The following POTEC variants were observed in gnomAD, a reference collection of about 807,000 sequenced individuals.
POTEC encodes ANKRD26-like family B member 2.
POTEC carries 35 observed loss-of-function variants against 62.0 expected under a neutral mutation model. The observed-to-expected ratio is 0.56, with a 90% CI of 0.43 to 0.75. The LOEUF (loss-of-function observed/expected upper bound fraction) is 0.75, where lower values mean the gene tolerates loss of function less well. Ranked by LOEUF, POTEC falls within the 30% of genes least tolerant of loss-of-function variation. POTEC has a pLI of 0.00. For synonymous variants in POTEC, 156 were observed against 221.5 expected (o/e 0.70, Z 2.62); for missense variants, 472 against 655.9 (o/e 0.72, Z 3.06).
At position 14,529,238 on chromosome 18, in the gene POTEC, T is replaced by C. The variant is rs1203646297; in HGVS notation, c.1126+1245A>G. On this transcript the variant is annotated intron_variant, in intron 6 of 10. Transcript: ENST00000358970. ...AAAATAATAAAAATGACAATGATAA[T>C]AACAAGCTCCTGTCTGTATTTTTAA... Among the ~76,000 whole-genome samples the C allele has an allele frequency of 2.6e-5, 4 of 152,064 alleles. No individual in the cohort carries two copies. The East Asian group carries it at 5.8e-4, about 22-fold the overall frequency.
rs145930826 is a variant in POTEC, at chr18:14,542,759, C to T, written c.388G>A (p.Glu130Lys). The T allele has an allele frequency of 2.5e-6, 4 of 1,613,500 alleles. No individual in the cohort carries two copies. The highest frequency in any genetic ancestry group is 1.7e-5 in the Admixed American group (1 of 59,996). ...TCTCGACGGACGTGGTACCTCGGCT[C>T]CATGAAGGCGCTGTCGTCGTAGTCT... ...WGDYDDSAFM[E>K]PRYHVRREDL... The change falls in exon 1 of 11, where the codon GAG becomes AAG. Residue 130 changes from glutamate to lysine, a missense_variant. Around this residue, in one of 5 missense-constraint regions of POTEC, gnomAD observed 257 missense variants for 250.7 expected, o/e 1.03. Transcript: ENST00000358970.
rs368940627 is a variant in POTEC, at chr18:14,542,677, A to C, written c.470T>G (p.Leu157Arg). 5 of 1,612,832 alleles carry C rather than the reference A, an allele frequency of 3.1e-6. No homozygotes were observed. In the African/African-American group the frequency reaches 6.7e-5, roughly 22 times the overall value. Residue 157 changes from leucine (L) to arginine (R), a missense_variant, in exon 1 of 11, where the codon CTC (leucine) becomes CGC (arginine). Leu to Arg is a moderately radical substitution (Grantham distance 102, BLOSUM62 -2). This residue lies in a region of POTEC where 257 missense variants were observed against 250.7 expected (regional missense o/e 1.03). Transcript: ENST00000358970. ...AWWGKVPRKD[L>R]IVMLRDTDMN... The stretch of plus-strand genomic sequence containing the variant: ...GTCCGTGTCCCTGAGCATGACGATG[A>C]GATCCTTTCTGGGGACCTTACCCCA...
chr18:14,528,852 A>T, intron 6 of POTEC: 1 of 432,270 alleles, frequency 2.3e-6, no homozygotes, highest in Non-Finnish European at 4.6e-6. Flanking sequence ...CTTATTCCCA[A>T]CCTCTGGTGT....
intron 1 of POTEC, among the ~76,000 whole-genome samples, chr18:14,540,252 A>T (rs1905887021): frequency 6.6e-6 from 1 of 152,190 alleles, no homozygotes; most frequent in South Asian, 2.1e-4. Context: ...AGGTATAAAA[A>T]TAAATAATAG....
rs1909885449 is a variant in POTEC, at chr18:14,507,791, A to G, written c.*4107T>C. 1.3e-5 allele frequency: 2 copies of G among 152,190 alleles called. No homozygotes were observed. The allele number at this position is 152,190 out of a possible 1,614,324, so 9.4% of individuals were successfully genotyped here. A position where few individuals can be genotyped will look rare whatever the true frequency, so the allele number is the denominator to read the frequency against. On this transcript the variant is annotated 3_prime_UTR_variant, in exon 11 of 11. Coordinates refer to ENST00000358970, the MANE Select transcript of POTEC (RefSeq NM_001137671.2). ...AGGTCTGGTGATAACGAATTCCCTC[A>G]GCATTTGCTTGTCTGAAAACGATCT... is the stretch of plus-strand genomic sequence containing the variant.
intron 6 of POTEC, among the ~76,000 whole-genome samples, chr18:14,529,287 A>C (rs1437831185): frequency 6.6e-6 from 1 of 152,140 alleles, no homozygotes; most frequent in East Asian, 1.9e-4. Context: ...GTAACATTAG[A>C]AAAATGATTA....
In POTEC at chr18:14,543,118, G is replaced by T; in HGVS notation, c.29C>A (p.Ala10Asp). Residue 10 changes from alanine (A) to aspartate (D), a missense_variant, in exon 1 of 11, where the codon GCT becomes GAT. Around this residue, in one of 5 missense-constraint regions of POTEC, gnomAD observed 257 missense variants for 250.7 expected, o/e 1.03. Coordinates refer to ENST00000358970, the MANE Select transcript of POTEC (RefSeq NM_001137671.2). MVTEVCSMP[A>D]ASAVKKPFDL... ...GAATGGCTTCTTCACAGCAGAGGCA[G>T]CGGGCATTGAACAAACCTCAGTCAC... 6.2e-7 allele frequency: 1 copy of T among 1,613,962 alleles called. No individual in the cohort carries two copies. Among genetic ancestry groups the T allele is most frequent in the Non-Finnish European group, 8.5e-7 (1 of 1,179,868 alleles).
Position 14,537,973 on chromosome 18 carries a change from G to T in POTEC, c.638C>A (p.Ala213Asp). The T allele has an allele frequency of 6.2e-7, 1 of 1,610,756 alleles. No homozygotes were observed. The highest frequency in any genetic ancestry group is 8.5e-7 in the Non-Finnish European group (1 of 1,179,518). ...ACATTCATCTTCCTGGCATTGTACG[G>T]CCTGTCAGTATTAGACCAAAAACAA... The part of the protein sequence containing the change: ...DNKKRTALIK[A>D]VQCQEDECVL... Residue 213 changes from alanine (A) to aspartate (D), a missense_variant and splice_region_variant, in exon 3 of 11, where the codon GCC (alanine) becomes GAC (aspartate). Physicochemically the swap from Ala to Asp is moderately radical, Grantham distance 126. This residue lies in a region of POTEC where 13 missense variants were observed against 38.4 expected (regional missense o/e 0.34). Transcript: ENST00000358970.
In POTEC at chr18:14,543,274, T is replaced by C. The variant is rs754440954; in HGVS notation, c.-128A>G. ...GAGAAAGGTCAATCCCAGCCAAAAC[T>C]TGCCAACCCCAGCAAGGGAGCCCAG... On this transcript the variant is annotated 5_prime_UTR_variant, in exon 1 of 11. Transcript: ENST00000358970. The C allele has an allele frequency of 8.3e-5, 119 of 1,429,960 alleles. No homozygotes were observed. The highest frequency in any genetic ancestry group is 1.1e-4 in the Non-Finnish European group (114 of 1,058,466). The allele number at this position is 1,429,960 out of a possible 1,614,324, so 88.6% of individuals were successfully genotyped here. A position where few individuals can be genotyped will look rare whatever the true frequency, so the allele number is the denominator to read the frequency against.
At chr18:14,524,797 G>C in intron 7 of POTEC, 116 bp downstream of exon 7, 1 of 1,080,986 alleles carries the variant, frequency 9.3e-7, no homozygotes, top group Non-Finnish European at 1.2e-6. Flanking sequence ...CTTAAAAAAA[G>C]AATCTATTGA....
intron 9 of POTEC, among the ~76,000 whole-genome samples, chr18:14,521,540 A>G (rs1452875559): frequency 6.6e-6 from 1 of 152,176 alleles, no homozygotes; most frequent in African/African-American, 2.4e-5. Flanking sequence ...GTCCTTACAC[A>G]TAAGTATATA....
chr18:14,536,807 G>A (rs1261284295), intron 3 of POTEC, among the ~76,000 whole-genome samples: 3 of 152,082 alleles, frequency 2.0e-5, no homozygotes, highest in East Asian at 3.9e-4. Context: ...ATTTTCCCCA[G>A]TAAGAGTAGA....
In POTEC at chr18:14,510,802, C is replaced by T. The variant is rs1909985467; in HGVS notation, c.*1096G>A. On this transcript the variant is annotated 3_prime_UTR_variant, in exon 11 of 11. Transcript: ENST00000358970. ...GTGGCTATGCTGTGTGGGGGGTTCA[C>T]TTCAGCCCCTGGTCTCCTCAGACAC... 6.6e-6 allele frequency: 1 copy of T among 152,210 alleles called. No individual in the cohort carries two copies. The highest frequency in any genetic ancestry group is 1.5e-5 in the Non-Finnish European group (1 of 68,070). The allele number at this position is 152,210 out of a possible 1,614,324, so 9.4% of individuals were successfully genotyped here.
Position 14,542,910 on chromosome 18 carries a change from G to A in POTEC, c.237C>T (p.Asn79=), listed in dbSNP as rs370268513. Reference sequence around the variant, plus strand: ...TGTCATGGTCTCCAGAAGTGCCCACGTTGCTCGTGCCGCTCCCCCTGCAGC... The same window carrying A: ...TGTCATGGTCTCCAGAAGTGCCCACATTGCTCGTGCCGCTCCCCCTGCAGC... ...FPCCRGSGTS[N]VGTSGDHDNS... is the part of the protein sequence containing the mutation. Residue 79 remains asparagine, a synonymous_variant, in exon 1 of 11, where the codon AAC becomes AAT. Coordinates refer to ENST00000358970, the MANE Select transcript of POTEC (RefSeq NM_001137671.2). The A allele has an allele frequency of 4.6e-5, 59 of 1,278,838 alleles. No homozygotes were observed. The highest frequency in any genetic ancestry group is 6.0e-5 in the Non-Finnish European group (56 of 928,886). The allele number at this position is 1,278,838 out of a possible 1,614,324, so 79.2% of individuals were successfully genotyped here. A position where few individuals can be genotyped will look rare whatever the true frequency, so the allele number is the denominator to read the frequency against.
intron 9 of POTEC, among the ~76,000 whole-genome samples, chr18:14,514,326 G>A (rs1479209286): frequency 6.6e-6 from 1 of 151,716 alleles, no homozygotes; most frequent in Non-Finnish European, 1.5e-5. Flanking sequence ...TAATGTGAGT[G>A]ACAGAGAGTG....
At chr18:14,512,587 T>A (rs901522847) in intron 10 of POTEC, among the ~76,000 whole-genome samples, 3 of 152,224 alleles carry the variant, frequency 2.0e-5, no homozygotes, top group Admixed American at 6.5e-5. Context: ...TCATTTAGGA[T>A]CACGATTCTT....
chr18:14,516,636 T>G (rs1170091501), intron 9 of POTEC, among the ~76,000 whole-genome samples: 3 of 121,078 alleles, frequency 2.5e-5, no homozygotes, highest in Admixed American at 8.7e-5. Context: ...GACATGAGAT[T>G]TGGGTGGAAA....
Position 14,511,988 on chromosome 18 carries a change from A to C in POTEC, c.1539T>G (p.Ser513=), listed in dbSNP as rs746623777. Residue 513 remains serine (S), a synonymous_variant, in exon 11 of 11, where the codon TCT becomes TCG. Coordinates refer to ENST00000358970, the MANE Select transcript of POTEC (RefSeq NM_001137671.2). ...GATCTTCTTCTTTCTTATGACTAAG[A>C]GAAAGCTAAGTAAACAAAGGGAACT... is the stretch of plus-strand genomic sequence containing the variant. The part of the protein sequence containing the change: ...VAEKKMNSEL[S]LSHKKEEDLL... The C allele has an allele frequency of 6.2e-7, 1 of 1,612,018 alleles. No individual in the cohort carries two copies. The highest frequency in any genetic ancestry group is 8.5e-7 in the Non-Finnish European group (1 of 1,179,134).
intron 1 of POTEC, among the ~76,000 whole-genome samples, chr18:14,539,827 C>A (rs1905873022): frequency 6.6e-6 from 1 of 152,158 alleles, no homozygotes; most frequent in South Asian, 2.1e-4. Flanking sequence ...AATTTTGATT[C>A]TCTCAGCTTG....
Sources: allele counts gnomAD v4.1 joint callset (sites outside exome capture counted in the v4.1 genomes callset), GRCh38; gene constraint gnomAD v4.1.1; regional missense constraint gnomAD v4.1.1; transcripts MANE v1.5; gene names NCBI Gene and HGNC (gene_info 2026-07-23, HGNC 2026-07-21).